SPAG1: variants seen among roughly 807,000 people sequenced by gnomAD.
The protein encoded by SPAG1 is sperm-associated antigen 1.
In SPAG1, 69 loss-of-function variants were observed where a neutral mutation model predicts 100.5. The observed-to-expected ratio is 0.69, with a 90% CI of 0.57 to 0.84. The LOEUF is 0.84. SPAG1 is among the 40% of genes least tolerant of loss of function. The pLI is 0.00. For synonymous variants in SPAG1, 336 were observed against 411.6 expected (o/e 0.82, Z 2.22); for missense variants, 955 against 1,133.1 (o/e 0.84, Z 2.26).
chr8:100,170,414 A>G (rs1815762463), intron 3 of SPAG1, among the ~76,000 whole-genome samples: 1 of 152,152 alleles, frequency 6.6e-6, no homozygotes, highest in East Asian at 1.9e-4. Context: ...TATTATCTTA[A>G]CCAGTTTTGA....
In SPAG1 at chr8:100,239,336, C is replaced by T; in HGVS notation, c.2212C>T (p.Leu738Phe). Reference sequence around the variant, plus strand: ...GGAACTGGAAGAGGTAACTAGACTCCTTAATCTTAAGGATAAGACAGCACC... The same window carrying T: ...GGAACTGGAAGAGGTAACTAGACTCTTTAATCTTAAGGATAAGACAGCACC... ...KMELEEVTRL[L>F]NLKDKTAPFN... Residue 738 changes from leucine (L) to phenylalanine (F), a missense_variant, in exon 17 of 19, where the codon CTT becomes TTT. Coordinates refer to ENST00000388798, the MANE Select transcript of SPAG1 (RefSeq NM_003114.5). This position sits in a 1 kb window ranked among gnomAD's most constrained non-coding sequence, Gnocchi z 5.0. 1 of 1,592,086 alleles carries T rather than the reference C, an allele frequency of 6.3e-7. No homozygotes were observed. Among genetic ancestry groups the T allele is most frequent in the South Asian group, 1.1e-5 (1 of 88,238 alleles).
intron 1 of SPAG1, among the ~76,000 whole-genome samples, chr8:100,161,947 A>G (rs1019660877): frequency 2.6e-5 from 4 of 152,226 alleles, no homozygotes; most frequent in South Asian, 4.1e-4. Context: ...AGCCAGTTGC[A>G]GAAGTAAATA....
intron 3 of SPAG1, among the ~76,000 whole-genome samples, chr8:100,176,148 TGTCTG>T (rs1056554099): frequency 1.3e-5 from 2 of 152,206 alleles, no homozygotes; most frequent in African/African-American, 4.8e-5. Flanking sequence ...CCTGGAAACT[TGTCTG>T]CTGCCTTTTG....
At chr8:100,202,689 G>A (rs1240223412) in intron 10 of SPAG1, among the ~76,000 whole-genome samples, 2 of 114,886 alleles carry the variant, frequency 1.7e-5, no homozygotes, top group African/African-American at 7.1e-5. Flanking sequence ...CAGCCTGGGC[G>A]ACAGAGCGAG....
At position 100,225,350 on chromosome 8, in the gene SPAG1, C is replaced by T. The variant is rs1818461871; in HGVS notation, c.1855+11C>T. On this transcript the variant is annotated intron_variant, in intron 14 of 18. Coordinates refer to ENST00000388798, the MANE Select transcript of SPAG1 (RefSeq NM_003114.5). ...AGCAGGGCATCACAGGTGGGGGATGCCTGCACTCATTTCTTCTCAAGGTTA... is the reference window on the plus strand; with the variant it reads ...AGCAGGGCATCACAGGTGGGGGATGTCTGCACTCATTTCTTCTCAAGGTTA... The T allele has an allele frequency of 6.2e-7, 1 of 1,611,446 alleles. No homozygotes were observed. Among genetic ancestry groups the T allele is most frequent in the African/African-American group, 1.3e-5 (1 of 74,854 alleles).
intron 10 of SPAG1, chr8:100,194,571 T>G: frequency 2.0e-6 from 1 of 510,276 alleles, no homozygotes; most frequent in Non-Finnish European, 3.4e-6. Context: ...TTTAAATATC[T>G]CTCTTTGATA....
chr8:100,232,217 G>T (rs1818804690), intron 15 of SPAG1, among the ~76,000 whole-genome samples: 1 of 152,274 alleles, frequency 6.6e-6, no homozygotes, highest in East Asian at 1.9e-4. Context: ...TGGTCACTCA[G>T]TTTTCTGTGA....
chr8:100,183,932 GT>G (rs1442769372), intron 5 of SPAG1, 23 bp from the exon 6 acceptor site: 8 of 1,251,358 alleles, frequency 6.4e-6, no homozygotes, highest in Non-Finnish European at 9.0e-6. Context: ...TACTTTTTTG[GT>G]TTTTATTGTT....
intron 15 of SPAG1, among the ~76,000 whole-genome samples, chr8:100,231,713 A>C (rs1341835207): frequency 6.6e-6 from 1 of 152,236 alleles, no homozygotes; most frequent in Non-Finnish European, 1.5e-5. Context: ...TAATCCCAGC[A>C]CTTTGGGAGG....
intron 3 of SPAG1, among the ~76,000 whole-genome samples, chr8:100,166,932 A>G (rs982476859): frequency 6.6e-6 from 1 of 152,158 alleles, no homozygotes; most frequent in Non-Finnish European, 1.5e-5. Flanking sequence ...AGAAAGAGAA[A>G]AAGAATTTAA....
chr8:100,217,398 T>C (rs1818047008), intron 12 of SPAG1, among the ~76,000 whole-genome samples: 1 of 152,190 alleles, frequency 6.6e-6, no homozygotes, highest in Non-Finnish European at 1.5e-5. Flanking sequence ...GTCTTACCTC[T>C]GAGGAGCATT....
chr8:100,218,219 C>T (rs1275975302), intron 12 of SPAG1, among the ~76,000 whole-genome samples: 2 of 152,196 alleles, frequency 1.3e-5, no homozygotes, highest in East Asian at 3.8e-4. Flanking sequence ...GTTCTCTGTG[C>T]TTATTTTTAT....
intron 10 of SPAG1, among the ~76,000 whole-genome samples, chr8:100,205,924 CAGG>C (rs1817487054): frequency 6.8e-6 from 1 of 146,502 alleles, no homozygotes; most frequent in South Asian, 2.2e-4. Context: ...GAGGCTGAGG[CAGG>C]AGAACTGCTT....
intron 7 of SPAG1, among the ~76,000 whole-genome samples, chr8:100,186,419 G>A (rs1816592387): frequency 1.3e-5 from 2 of 152,000 alleles, no homozygotes; most frequent in South Asian, 2.1e-4. Context: ...TTACATCAAC[G>A]GTTTTTTTTA....
chr8:100,220,431 G>A lies in SPAG1; in HGVS notation c.1688G>A (p.Arg563Lys). Residue 563 changes from arginine to lysine, a missense_variant and splice_region_variant, in exon 13 of 19, where the codon AGG (arginine) becomes AAG (lysine). Physicochemically the swap from Arg to Lys is conservative, Grantham distance 26. Coordinates refer to ENST00000388798, the MANE Select transcript of SPAG1 (RefSeq NM_003114.5). The part of the protein sequence containing the change: ...GLQLANDSVN[R>K]LSRILMELDG... ...CAGCTAGCAAATGACAGTGTTAACA[G>A]GTAATTAATCTGAGGCAGCTACCTA... The A allele has an allele frequency of 6.2e-7, 1 of 1,607,004 alleles. No individual in the cohort carries two copies.
Position 100,213,929 on chromosome 8 carries a change from C to T in SPAG1, c.1535+11C>T, listed in dbSNP as rs201714352. On this transcript the variant is annotated intron_variant, in intron 12 of 18. Coordinates refer to ENST00000388798, the MANE Select transcript of SPAG1 (RefSeq NM_003114.5). ...TCAAGATTGTAACAGGTAAACTGCA[C>T]GTTTTCAGGTTTGTCAAGAGATTGT... is the stretch of plus-strand genomic sequence containing the variant. 9 of 1,457,180 alleles carry T rather than the reference C, an allele frequency of 6.2e-6. No individual in the cohort carries two copies. In the African/African-American group the frequency reaches 8.4e-5, roughly 14 times the overall value. 90.3% of individuals were successfully genotyped at this position (1,457,180 alleles called of 1,614,324 possible).
At chr8:100,212,630 T>C (rs1389579608) in intron 10 of SPAG1, among the ~76,000 whole-genome samples, 1 of 152,228 alleles carries the variant, frequency 6.6e-6, no homozygotes, top group Non-Finnish European at 1.5e-5. Flanking sequence ...TCACTTACGC[T>C]TTATTTTTCT....
At position 100,220,319 on chromosome 8, in the gene SPAG1, A is replaced by C. The variant is rs1218070950; in HGVS notation, c.1576A>C (p.Arg526=). 1 of 1,614,012 alleles carries C rather than the reference A, an allele frequency of 6.2e-7. No homozygotes were observed. Residue 526 remains arginine (R), a synonymous_variant, in exon 13 of 19, where the codon AGG becomes CGG. Transcript: ENST00000388798. ...LHPFSMKPLL[R]RAMAYETLEQ... ...TCCATTCTCTATGAAACCTCTTCTG[A>C]GGCGGGCGATGGCCTATGAAACTCT... is the stretch of plus-strand genomic sequence containing the variant.
rs1815680634 is a variant in SPAG1 at position 100,168,698 on chromosome 8, T to TTTTTTTTTTTTTTTTTTTTTTTTTTTTTC, written c.300+2725_300+2726insTTTTTTTTTTTTTTTTTTTTTTTTTTTTC. Among the ~76,000 whole-genome samples the TTTTTTTTTTTTTTTTTTTTTTTTTTTTTC allele has an allele frequency of 1.5e-5, 2 of 135,838 alleles. 1 individual carries two copies. The highest frequency in any genetic ancestry group is 5.7e-5 in the African/African-American group (2 of 34,820). 89.1% of individuals were successfully genotyped at this position (135,838 alleles called of 152,430 possible). ...CCATGCCCAGCCATCTTTTTTTTTT[T>TTTTTTTTTTTTTTTTTTTTTTTTTTTTTC]GTTGTTGAGACAGAGCTTTGCTCTT... On this transcript the variant is annotated intron_variant, in intron 3 of 18. Transcript: ENST00000388798.
Sources: allele counts gnomAD v4.1 joint callset (sites outside exome capture counted in the v4.1 genomes callset), GRCh38; gene constraint gnomAD v4.1.1; non-coding constraint Gnocchi (gnomAD v3.1); transcripts MANE v1.5; gene names NCBI Gene and HGNC (gene_info 2026-07-23, HGNC 2026-07-21).